COL5A2: variants seen among roughly 807,000 people sequenced by gnomAD.
The protein encoded by COL5A2 is collagen alpha-2(V) chain.
A neutral mutation model predicts 208.2 loss-of-function variants in COL5A2; 23 were observed. The observed-to-expected ratio is 0.11, with a 90% CI of 0.08 to 0.16. The LOEUF (loss-of-function observed/expected upper bound fraction) is 0.16. Among genes scored for constraint, COL5A2 ranks in the 10% least tolerant of loss-of-function variants. The probability of loss-of-function intolerance (pLI) is 1.00; values close to 1 mark genes in which losing one functional copy is unlikely to be tolerated. For synonymous variants in COL5A2, 625 were observed against 628.5 expected (o/e 0.99, Z 0.08); for missense variants, 1,590 against 1,956.4 (o/e 0.81, Z 3.53).
intron 1 of COL5A2, among the ~76,000 whole-genome samples, chr2:189,149,487 G>T (rs1378564738): frequency 1.3e-5 from 2 of 152,070 alleles, no homozygotes; most frequent in East Asian, 1.9e-4. Flanking sequence ...GAAAGTCTAT[G>T]ATTTCTTAAA....
intron 2 of COL5A2, among the ~76,000 whole-genome samples, chr2:189,105,929 G>A (rs945720143): frequency 1.3e-5 from 2 of 151,238 alleles, no homozygotes; most frequent in African/African-American, 4.8e-5. Flanking sequence ...CCACTGCTAC[G>A]ATGCCATCTT....
intron 12 of COL5A2, among the ~76,000 whole-genome samples, chr2:189,082,516 C>G (rs1686557160): frequency 6.6e-6 from 1 of 152,186 alleles, no homozygotes; most frequent in Non-Finnish European, 1.5e-5. Flanking sequence ...TTAGTGCAGA[C>G]CCGTCTAAGC....
the COL5A2 span, among the ~76,000 whole-genome samples, chr2:189,243,939 A>G: frequency 3.9e-5 from 6 of 152,286 alleles, no homozygotes; most frequent in African/African-American, 1.4e-4. Flanking sequence ...GGTGGCTTGC[A>G]CCCTCTGAAG....
At chr2:189,311,838 C>G in the COL5A2 span, 1 of 1,282,900 alleles carries the variant, frequency 7.8e-7, no homozygotes, top group Non-Finnish European at 1.1e-6. Flanking sequence ...TCTACCTCCA[C>G]GGTCAAGCCA....
the COL5A2 span, among the ~76,000 whole-genome samples, chr2:189,325,321 A>AT: frequency 8.7e-4 from 97 of 111,106 alleles, 1 homozygote; most frequent in Non-Finnish European, 1.5e-3. Context: ...ATAATAAAAA[A>AT]AAATATATAT....
At chr2:189,316,950 T>C in the COL5A2 span, among the ~76,000 whole-genome samples, 2 of 152,120 alleles carry the variant, frequency 1.3e-5, no homozygotes, top group African/African-American at 2.4e-5. Context: ...CCATTCTCCA[T>C]GATGTGCTTA....
At chr2:189,271,705 C>T in the COL5A2 span, among the ~76,000 whole-genome samples, 7 of 152,096 alleles carry the variant, frequency 4.6e-5, no homozygotes. Flanking sequence ...AAGAAACTAT[C>T]AACAGAGTGA....
At chr2:189,049,701 G>A (rs1377837741) in intron 43 of COL5A2, among the ~76,000 whole-genome samples, 1 of 152,170 alleles carries the variant, frequency 6.6e-6, no homozygotes. Flanking sequence ...TGTGCATTTT[G>A]GGTTCTAATC....
the COL5A2 span, among the ~76,000 whole-genome samples, chr2:189,258,546 A>C: frequency 6.6e-6 from 1 of 152,202 alleles, no homozygotes; most frequent in Non-Finnish European, 1.5e-5. Flanking sequence ...ACTTTTGCTT[A>C]ACATGATAAC....
chr2:189,058,476 G>C lies in COL5A2; in HGVS notation c.2182C>G (p.Pro728Ala). 1 of 1,613,934 alleles carries C rather than the reference G, an allele frequency of 6.2e-7. No individual in the cohort carries two copies. Among genetic ancestry groups the C allele is most frequent in the Non-Finnish European group, 8.5e-7 (1 of 1,179,964 alleles). The change falls in exon 33 of 54, where the codon CCT becomes GCT. Residue 728 changes from proline to alanine, a missense_variant. Coordinates refer to ENST00000374866, the MANE Select transcript of COL5A2 (RefSeq NM_000393.5). ...CCTCCAGCCATTCCCTTCTCACCAG[G>C]GAGTCCAGTTATCCCAGGTTCTCCT... ...ERGEPGITGL[P>A]GEKGMAGGHG...
intron 1 of COL5A2, among the ~76,000 whole-genome samples, chr2:189,121,974 C>T (rs1327885926): frequency 6.6e-6 from 1 of 152,100 alleles, no homozygotes; most frequent in Non-Finnish European, 1.5e-5. Flanking sequence ...CACTTATACT[C>T]ATTTTCATAG....
the COL5A2 span, among the ~76,000 whole-genome samples, chr2:189,426,591 C>T: frequency 3.3e-5 from 5 of 152,222 alleles, no homozygotes; most frequent in African/African-American, 9.6e-5. Context: ...TCATCAGGAC[C>T]TCCTGAGGCT....
chr2:189,172,854 A>T (rs992295642), intron 1 of COL5A2, among the ~76,000 whole-genome samples: 3 of 145,696 alleles, frequency 2.1e-5, no homozygotes, highest in Non-Finnish European at 1.5e-5. Flanking sequence ...TCCTAAACTT[A>T]AAAAAAAAAA....
chr2:189,240,049 A>G, the COL5A2 span, among the ~76,000 whole-genome samples: 1 of 152,186 alleles, frequency 6.6e-6, no homozygotes, highest in Non-Finnish European at 1.5e-5. Flanking sequence ...TATTTTAAAA[A>G]ACAACAAAAA....
At chr2:189,136,842 G>T (rs1254735004) in intron 1 of COL5A2, among the ~76,000 whole-genome samples, 1 of 151,796 alleles carries the variant, frequency 6.6e-6, no homozygotes, top group Non-Finnish European at 1.5e-5. Flanking sequence ...AATATATTTA[G>T]TTTGGTTCAG....
At chr2:189,357,831 G>A in the COL5A2 span, among the ~76,000 whole-genome samples, 4 of 151,582 alleles carry the variant, frequency 2.6e-5, no homozygotes, top group Non-Finnish European at 5.9e-5. Context: ...TTTTGTGCTT[G>A]AAACCCAGGA....
chr2:189,311,782 T>G, the COL5A2 span: 11 of 866,068 alleles, frequency 1.3e-5, no homozygotes, highest in South Asian at 1.5e-4. Flanking sequence ...AGCCAGCTCA[T>G]CACATTGGAC....
At position 189,033,965 on chromosome 2, in the gene COL5A2, G is replaced by C; in HGVS notation, c.*105C>G. On this transcript the variant is annotated 3_prime_UTR_variant, in exon 54 of 54. Transcript: ENST00000374866. Reference sequence around the variant, plus strand: ...TATATACAATGCTGATGCAGGATCAGCCATTACTTCAAGAGTCTCAGGATC... The same window carrying C: ...TATATACAATGCTGATGCAGGATCACCCATTACTTCAAGAGTCTCAGGATC... 3 of 1,441,504 alleles carry C rather than the reference G, an allele frequency of 2.1e-6. No individual in the cohort carries two copies. The highest frequency in any genetic ancestry group is 2.0e-4 in the Middle Eastern group (1 of 5,066). The allele number at this position is 1,441,504 out of a possible 1,614,324, so 89.3% of individuals were successfully genotyped here.
chr2:189,299,649 T>C, the COL5A2 span, among the ~76,000 whole-genome samples: 1 of 152,202 alleles, frequency 6.6e-6, no homozygotes, highest in Non-Finnish European at 1.5e-5. Context: ...TTAAATTGCA[T>C]TGCCCTTTTT....
Sources: allele counts gnomAD v4.1 joint callset (sites outside exome capture counted in the v4.1 genomes callset), GRCh38; gene constraint gnomAD v4.1.1; transcripts MANE v1.5; gene names NCBI Gene and HGNC (gene_info 2026-07-23, HGNC 2026-07-21).